ATG10: variants seen among roughly 807,000 people sequenced by gnomAD.
ATG10 encodes the protein autophagy related 10.
A neutral mutation model predicts 32.1 loss-of-function variants in ATG10; 30 were observed. That is an observed-to-expected ratio of 0.94 (90% CI 0.70 to 1.27). ATG10 has a LOEUF of 1.27. Among genes scored for constraint, ATG10 ranks in the 50% most tolerant of loss-of-function variants. The pLI is 0.00. For missense variants in ATG10, 233 were observed against 262.3 expected (o/e 0.89, Z 0.77); for synonymous variants, 87 against 91.5 (o/e 0.95, Z 0.28).
chr5:82,014,587 C>T (rs1762226115), intron 2 of ATG10, among the ~76,000 whole-genome samples: 5 of 152,090 alleles, frequency 3.3e-5, no homozygotes, highest in Admixed American at 3.3e-4. Flanking sequence ...TATGTAATGT[C>T]CTTCTTTGTC....
At chr5:82,070,763 T>C (rs1010031672) in intron 3 of ATG10, among the ~76,000 whole-genome samples, 1 of 152,148 alleles carries the variant, frequency 6.6e-6, no homozygotes, top group Non-Finnish European at 1.5e-5. Flanking sequence ...CAATCCCCTC[T>C]GTCTTCTTTC....
intron 5 of ATG10, among the ~76,000 whole-genome samples, chr5:82,213,661 A>G (rs577920747): frequency 2.0e-5 from 3 of 152,228 alleles, no homozygotes; most frequent in East Asian, 1.9e-4. Flanking sequence ...TGTGTGGCCA[A>G]CTCCATGCAT....
At chr5:82,077,689 G>A (rs1484524516) in intron 3 of ATG10, among the ~76,000 whole-genome samples, 1 of 152,152 alleles carries the variant, frequency 6.6e-6, no homozygotes, top group Non-Finnish European at 1.5e-5. Flanking sequence ...CGGTAGTGCA[G>A]ACGTCTTTGC....
chr5:82,108,244 C>T (rs1407387948), intron 3 of ATG10, among the ~76,000 whole-genome samples: 1 of 152,010 alleles, frequency 6.6e-6, no homozygotes, highest in South Asian at 2.1e-4. Context: ...TAGGTAAGGT[C>T]AGACATTATA....
intron 3 of ATG10, among the ~76,000 whole-genome samples, chr5:82,097,595 T>C (rs1397349604): frequency 6.6e-6 from 1 of 152,216 alleles, no homozygotes; most frequent in African/African-American, 2.4e-5. Context: ...TCATTTTCCA[T>C]TGTATTATAG....
chr5:82,088,556 G>A (rs1476005998), intron 3 of ATG10, among the ~76,000 whole-genome samples: 1 of 152,166 alleles, frequency 6.6e-6, no homozygotes, highest in African/African-American at 2.4e-5. Context: ...CAACTAGAGT[G>A]CGTTCCTCCT....
intron 2 of ATG10, among the ~76,000 whole-genome samples, chr5:82,055,189 A>G (rs1346496423): frequency 2.6e-5 from 4 of 152,168 alleles, no homozygotes; most frequent in Non-Finnish European, 5.9e-5. Flanking sequence ...TCAAAATCCA[A>G]AAAACTCTAT....
At chr5:82,202,686 T>C (rs1745115733) in intron 5 of ATG10, among the ~76,000 whole-genome samples, 1 of 152,216 alleles carries the variant, frequency 6.6e-6, no homozygotes, top group Non-Finnish European at 1.5e-5. Flanking sequence ...CCAGATCTGC[T>C]GTTCCATGTA....
intron 3 of ATG10, among the ~76,000 whole-genome samples, chr5:82,116,598 C>T (rs565588906): frequency 6.6e-6 from 1 of 151,888 alleles, no homozygotes; most frequent in South Asian, 2.1e-4. Flanking sequence ...GCTATCAATG[C>T]CTAGAAATAA....
chr5:82,039,651 A>G (rs1393917878), intron 2 of ATG10, among the ~76,000 whole-genome samples: 2 of 152,248 alleles, frequency 1.3e-5, no homozygotes, highest in Non-Finnish European at 2.9e-5. Context: ...TTGATTCTAT[A>G]GAAACTTAAA....
At chr5:82,190,548 G>A (rs537649297) in intron 5 of ATG10, among the ~76,000 whole-genome samples, 1 of 151,756 alleles carries the variant, frequency 6.6e-6, no homozygotes, top group African/African-American at 2.4e-5. Context: ...CGAGGTGGGC[G>A]GATCACGAGG....
rs1016118026 is a variant in ATG10 at position 82,039,420 on chromosome 5, A to G, written c.109-19075A>G. The stretch of plus-strand genomic sequence containing the variant: ...TTCAAAATGGATTAAAGTTTAATCC[A>G]TTTATACAGATTTATTATACATTTC... On this transcript the variant is annotated intron_variant, in intron 2 of 7. Coordinates refer to ENST00000282185, the MANE Select transcript of ATG10 (RefSeq NM_031482.5). Among the ~76,000 whole-genome samples the G allele has an allele frequency of 1.8e-4, 27 of 152,242 alleles. 1 individual carries two copies. Among genetic ancestry groups the G allele is most frequent in the Admixed American group, 3.9e-4 (6 of 15,290 alleles).
intron 3 of ATG10, among the ~76,000 whole-genome samples, chr5:82,100,400 A>G (rs1561298486): frequency 1.3e-5 from 2 of 151,460 alleles, no homozygotes; most frequent in African/African-American, 4.9e-5. Flanking sequence ...ATACGTACCC[A>G]TCTTCACTGT....
chr5:82,080,102 T>G (rs914216980), intron 3 of ATG10, among the ~76,000 whole-genome samples: 2 of 152,234 alleles, frequency 1.3e-5, no homozygotes, highest in African/African-American at 4.8e-5. Flanking sequence ...TGATTTGCAT[T>G]TATCTGATGG....
At chr5:82,095,420 A>G (rs879940671) in intron 3 of ATG10, among the ~76,000 whole-genome samples, 8 of 152,188 alleles carry the variant, frequency 5.3e-5, no homozygotes, top group African/African-American at 9.6e-5. Context: ...ATTGTTTTAC[A>G]TGGGGGAATA....
chr5:82,214,862 C>T (rs1745618487), intron 5 of ATG10, among the ~76,000 whole-genome samples: 1 of 152,140 alleles, frequency 6.6e-6, no homozygotes, highest in Admixed American at 6.5e-5. Context: ...GGACAGGGAT[C>T]ATGTGTGTTT....
chr5:82,153,457 C>T (rs181446061), intron 3 of ATG10, among the ~76,000 whole-genome samples: 4 of 152,168 alleles, frequency 2.6e-5, no homozygotes, highest in East Asian at 1.9e-4. Context: ...AAGAGTTTAT[C>T]GGGAAGAAGC....
Position 82,026,144 on chromosome 5 carries a change from C to T in ATG10, c.109-32351C>T, listed in dbSNP as rs570037868. 2.2e-3 allele frequency among the ~76,000 whole-genome samples: 341 copies of T among 152,272 alleles called. 1 individual carries two copies. The highest frequency in any genetic ancestry group is 7.9e-3 in the African/African-American group (328 of 41,560). ...ACCTATGAAACAACTACTCCTCATT[C>T]CCATTTCCTCCAGCCCCTGGCAACC... On this transcript the variant is annotated intron_variant, in intron 2 of 7. Transcript: ENST00000282185.
At chr5:82,171,511 C>T (rs928926684) in intron 4 of ATG10, among the ~76,000 whole-genome samples, 4 of 152,092 alleles carry the variant, frequency 2.6e-5, no homozygotes, top group Admixed American at 6.5e-5. Context: ...AAGGGTAGAT[C>T]GTAGAGTCAA....
Sources: gnomAD v4.1 joint callset for allele counts (sites outside exome capture counted in the v4.1 genomes callset) on GRCh38, gnomAD v4.1.1 for gene constraint, MANE v1.5 for transcripts, NCBI Gene and HGNC (gene_info 2026-07-23, HGNC 2026-07-21) for gene names.